The following NDEL1 variants were observed in gnomAD, a reference collection of about 807,000 sequenced individuals.
NDEL1 encodes nudE neurodevelopment protein 1 like 1, also known as nuclear distribution protein nudE-like 1.
In NDEL1, 9 loss-of-function variants were observed where a neutral mutation model predicts 45.7. The observed-to-expected ratio is 0.20, with a 90% CI of 0.12 to 0.34. The LOEUF is 0.34. Ranked by LOEUF, NDEL1 falls within the 10% of genes least tolerant of loss-of-function variation. The pLI is 1.00. For synonymous variants in NDEL1, 133 were observed against 158.6 expected (o/e 0.84, Z 1.21); for missense variants, 306 against 406.2 (o/e 0.75, Z 2.12).
intron 5 of NDEL1, among the ~76,000 whole-genome samples, chr17:8,449,672 A>G (rs79145666): frequency 1.9e-3 from 294 of 152,340 alleles, no homozygotes; most frequent in Non-Finnish European, 3.5e-3. Flanking sequence ...TGCATTTAGC[A>G]TAATGTCCTC....
downstream of NDEL1, among the ~76,000 whole-genome samples, chr17:8,472,880 G>T (rs1371667335): frequency 6.6e-6 from 1 of 152,150 alleles, no homozygotes; most frequent in East Asian, 1.9e-4. Flanking sequence ...TCTTGCCTGA[G>T]TTCCTCCTCA....
Position 8,460,130 on chromosome 17 carries a change from G to A in NDEL1, c.914G>A (p.Arg305Gln), listed in dbSNP as rs372507423. Residue 305 changes from arginine (R) to glutamine (Q), a missense_variant, in exon 8 of 9, where the codon CGA (arginine) becomes CAA (glutamine). Physicochemically the swap from Arg to Gln is conservative, Grantham distance 43. Coordinates refer to ENST00000334527, the MANE Select transcript of NDEL1 (RefSeq NM_030808.5). Reference protein sequence around the residue: ...VLNGNGTKFSRSGHTSFFDKG... With the variant: ...VLNGNGTKFSQSGHTSFFDKG... The stretch of plus-strand genomic sequence containing the variant: ...AATGGCAATGGCACAAAGTTCTCTC[G>A]ATCAGGGCATACATCTTTCTTCGAC... 33 of 1,614,066 alleles carry A rather than the reference G, an allele frequency of 2.0e-5. No homozygotes were observed. The highest frequency in any genetic ancestry group is 2.7e-5 in the Non-Finnish European group (32 of 1,180,000).
upstream of NDEL1, among the ~76,000 whole-genome samples, chr17:8,433,375 G>T: frequency 6.6e-6 from 1 of 152,158 alleles, no homozygotes; most frequent in East Asian, 1.9e-4. Flanking sequence ...GATGTGGAGG[G>T]TCTGCTGCTG....
rs1010919640 is a variant in NDEL1 at position 8,456,380 on chromosome 17, A to T, written c.792+1493A>T. 2.6e-5 allele frequency among the ~76,000 whole-genome samples: 4 copies of T among 151,882 alleles called. No homozygotes were observed. In the East Asian group the frequency reaches 5.8e-4, roughly 22 times the overall value. On this transcript the variant is annotated intron_variant, in intron 7 of 8. Coordinates refer to ENST00000334527, the MANE Select transcript of NDEL1 (RefSeq NM_030808.5). Reference sequence around the variant, plus strand: ...AAATCATGTGCTTATTTTTCTGTTTATCTTGATTTACTCAACTTTAAGCAA... The same window carrying T: ...AAATCATGTGCTTATTTTTCTGTTTTTCTTGATTTACTCAACTTTAAGCAA...
chr17:8,446,642 A>G (rs1361915039), intron 3 of NDEL1, 112 bp from the exon 4 acceptor site: 12 of 1,042,556 alleles, frequency 1.2e-5, no homozygotes, highest in Non-Finnish European at 1.6e-5. Flanking sequence ...AATTGTTACA[A>G]GAGTGTGGGT....
intron 3 of NDEL1, among the ~76,000 whole-genome samples, chr17:8,473,852 C>T (rs1419930331): frequency 5.3e-5 from 8 of 152,226 alleles, no homozygotes; most frequent in African/African-American, 1.2e-4. Context: ...ATCTTCAATG[C>T]GTGTCTGCCT....
chr17:8,428,613 C>G (rs1908916723), intron 1 of NDEL1, among the ~76,000 whole-genome samples: 1 of 151,640 alleles, frequency 6.6e-6, no homozygotes, highest in South Asian at 2.1e-4. Context: ...TCTGACCACC[C>G]TGGCCTCCCA....
At chr17:8,436,137 C>T (rs923817958) in intron 1 of NDEL1, 92 bp downstream of exon 1, 2 of 260,558 alleles carry the variant, frequency 7.7e-6, no homozygotes, top group Non-Finnish European at 7.6e-6. Flanking sequence ...GGCCCGGGGC[C>T]GTGTCTGAGG....
At chr17:8,431,936 T>G (rs1909009835), upstream of NDEL1, 1 of 149,666 alleles carries the variant, frequency 6.7e-6, no homozygotes, top group Non-Finnish European at 1.5e-5. Flanking sequence ...CTTGGCTCAC[T>G]GCAACTTCCA....
chr17:8,450,968 T>C lies in NDEL1; in HGVS notation c.700+15T>C. On this transcript the variant is annotated intron_variant, in intron 6 of 8. Transcript: ENST00000334527. ...TTCACCGAAAGGTTTGTAATGTCTT[T>C]TCTTTTTGAGGCGATGTGTTAGATG... The C allele has an allele frequency of 6.3e-7, 1 of 1,597,894 alleles. No homozygotes were observed. The highest frequency in any genetic ancestry group is 8.5e-7 in the Non-Finnish European group (1 of 1,173,566).
chr17:8,438,309 C>A, intron 1 of NDEL1, among the ~76,000 whole-genome samples: 1 of 152,020 alleles, frequency 6.6e-6, no homozygotes, highest in East Asian at 1.9e-4. Context: ...TGTGGATGTA[C>A]CATTAGAGCA....
intron 7 of NDEL1, among the ~76,000 whole-genome samples, chr17:8,455,801 G>A (rs542526733): frequency 5.2e-4 from 79 of 151,248 alleles, no homozygotes; most frequent in African/African-American, 1.8e-3. Flanking sequence ...TTTTTAGTGT[G>A]TTTGTTTTTA....
At chr17:8,434,684 CT>C (rs1291905121), upstream of NDEL1, among the ~76,000 whole-genome samples, 2 of 152,168 alleles carry the variant, frequency 1.3e-5, no homozygotes, top group Non-Finnish European at 1.5e-5. Context: ...CTAGTATCGT[CT>C]CCAGCTTGCT....
At chr17:8,422,285 T>C (rs915128095) in intron 1 of NDEL1, among the ~76,000 whole-genome samples, 3 of 152,136 alleles carry the variant, frequency 2.0e-5, no homozygotes, top group African/African-American at 7.2e-5. Flanking sequence ...GAGAAAGGGC[T>C]CCCCTGCCTC....
chr17:8,456,963 G>C (rs1414509209), intron 7 of NDEL1, among the ~76,000 whole-genome samples: 1 of 152,194 alleles, frequency 6.6e-6, no homozygotes, highest in East Asian at 1.9e-4. Context: ...GCACATATAT[G>C]TGTTATTTAC....
chr17:8,448,489 T>C (rs915206366), intron 4 of NDEL1, 61 bp from the exon 5 acceptor site: 3 of 1,528,806 alleles, frequency 2.0e-6, no homozygotes, highest in Non-Finnish European at 1.8e-6. Context: ...CAGTTTCCTT[T>C]TGTACTATCT....
chr17:8,471,166 T>C (rs1478200735), downstream of NDEL1, among the ~76,000 whole-genome samples: 5 of 152,218 alleles, frequency 3.3e-5, no homozygotes, highest in Non-Finnish European at 7.3e-5. Flanking sequence ...TGTTGTTTTT[T>C]TGAGACAGAT....
At chr17:8,428,201 G>A (rs1908886664) in intron 1 of NDEL1, among the ~76,000 whole-genome samples, 1 of 151,994 alleles carries the variant, frequency 6.6e-6, no homozygotes. Context: ...TAAAGTTGTG[G>A]TGGGATATCC....
In NDEL1 at chr17:8,448,631, T is replaced by G. The variant is rs1910252905; in HGVS notation, c.471T>G (p.Leu157=). The G allele has an allele frequency of 6.2e-7, 1 of 1,614,158 alleles. No individual in the cohort carries two copies. Among genetic ancestry groups the G allele is most frequent in the Non-Finnish European group, 8.5e-7 (1 of 1,180,010 alleles). Residue 157 remains leucine, a synonymous_variant, in exon 5 of 9, where the codon CTT becomes CTG. Transcript: ENST00000334527. ...GAAATGCATTTTTAGAAAGTGAACT[T>G]GATGAAAAGGAATCTTTGTTGGTCT... ...IERNAFLESE[L]DEKESLLVSV...
Sources: allele counts gnomAD v4.1 joint callset (sites outside exome capture counted in the v4.1 genomes callset), GRCh38; gene constraint gnomAD v4.1.1; transcripts MANE v1.5; gene names NCBI Gene and HGNC (gene_info 2026-07-23, HGNC 2026-07-21).